KATNIP: variants seen among roughly 807,000 people sequenced by gnomAD.
KATNIP encodes katanin-interacting protein.
Under a neutral mutation model 174.0 loss-of-function variants are expected in KATNIP, and 126 were observed. The ratio of observed to expected loss-of-function variants is 0.72; its 90% confidence interval spans 0.63 to 0.84. The LOEUF is 0.84. Among genes scored for constraint, KATNIP ranks in the 40% least tolerant of loss-of-function variants. KATNIP has a pLI of 0.00. For missense variants in KATNIP, 1,958 were observed against 2,109.7 expected (o/e 0.93, Z 1.41); for synonymous variants, 810 against 835.7 (o/e 0.97, Z 0.53).
intron 2 of KATNIP, among the ~76,000 whole-genome samples, chr16:27,589,583 C>G (rs2075106015): frequency 6.6e-6 from 1 of 152,094 alleles, no homozygotes. Context: ...ACACTTTACC[C>G]AAAAACATCT....
Position 27,677,742 on chromosome 16 carries a change from G to A in KATNIP, c.554G>A (p.Ser185Asn), listed in dbSNP as rs1431853325. The stretch of plus-strand genomic sequence containing the variant: ...GGCTTTTTGCAGGAGCTGAGAAGAA[G>A]CCTGGAACTTAGTGTAAATCTACAA... ...SEDRPQELRR[S>N]LELSVNLQRK... Residue 185 changes from serine to asparagine, a missense_variant, in exon 7 of 28, where the codon AGC becomes AAC. Coordinates refer to ENST00000261588, the MANE Select transcript of KATNIP (RefSeq NM_015202.5). 1.2e-6 allele frequency: 2 copies of A among 1,607,562 alleles called. No individual in the cohort carries two copies. The highest frequency in any genetic ancestry group is 4.5e-5 in the East Asian group (2 of 44,674).
chr16:27,717,867 G>T (rs2080028235), intron 13 of KATNIP, among the ~76,000 whole-genome samples: 1 of 152,100 alleles, frequency 6.6e-6, no homozygotes, highest in Admixed American at 6.5e-5. Flanking sequence ...CCAACTCCCG[G>T]GCCCCATTGG....
At chr16:27,633,925 G>A in intron 5 of KATNIP, among the ~76,000 whole-genome samples, 1 of 152,216 alleles carries the variant, frequency 6.6e-6, no homozygotes, top group Non-Finnish European at 1.5e-5. Flanking sequence ...GGGTGTCCCT[G>A]CCTGATCTCA....
At chr16:27,626,037 A>G (rs1477105202) in intron 3 of KATNIP, among the ~76,000 whole-genome samples, 1 of 151,676 alleles carries the variant, frequency 6.6e-6, no homozygotes, top group East Asian at 1.9e-4. Flanking sequence ...TTTTATAGAG[A>G]CGGGGTTTCA....
rs75041391 is a variant in KATNIP, at chr16:27,627,333, G to C, written c.141-1328G>C. On this transcript the variant is annotated intron_variant, in intron 3 of 27. Coordinates refer to ENST00000261588, the MANE Select transcript of KATNIP (RefSeq NM_015202.5). ...GCCTTATACATAGTGCAGAAATGCTGTTCAGTGTTCCTAAGCATGAGGCTG... is the reference window on the plus strand; with the variant it reads ...GCCTTATACATAGTGCAGAAATGCTCTTCAGTGTTCCTAAGCATGAGGCTG... Among the ~76,000 whole-genome samples, 59 of 152,326 alleles carry C rather than the reference G, an allele frequency of 3.9e-4. 1 individual carries two copies. The East Asian group carries it at 8.5e-3, about 22-fold the overall frequency.
At chr16:27,725,385 C>G (rs2080406200) in intron 14 of KATNIP, among the ~76,000 whole-genome samples, 1 of 152,150 alleles carries the variant, frequency 6.6e-6, no homozygotes, top group Non-Finnish European at 1.5e-5. Context: ...GGAGTGCCGT[C>G]CTGAGAAAGA....
At chr16:27,583,676 A>G (rs1235654750) in intron 2 of KATNIP, among the ~76,000 whole-genome samples, 1 of 152,176 alleles carries the variant, frequency 6.6e-6, no homozygotes, top group Non-Finnish European at 1.5e-5. Context: ...ACAAGAGCCA[A>G]TGCTTCTGTG....
chr16:27,645,219 G>T (rs963179673), intron 5 of KATNIP, among the ~76,000 whole-genome samples: 4 of 152,220 alleles, frequency 2.6e-5, no homozygotes, highest in Non-Finnish European at 4.4e-5. Context: ...GTGTAAATAG[G>T]TACAGCCCTG....
At position 27,780,332 on chromosome 16, in the gene KATNIP, TC is replaced by T. The variant is rs905873083; in HGVS notation, c.*1705del. 15 of 152,218 alleles carry T rather than the reference TC, an allele frequency of 9.9e-5. No individual in the cohort carries two copies. The highest frequency in any genetic ancestry group is 3.6e-4 in the African/African-American group (15 of 41,456). 9.4% of individuals were successfully genotyped at this position (152,218 alleles called of 1,614,324 possible). On this transcript the variant is annotated 3_prime_UTR_variant, in exon 28 of 28. Transcript: ENST00000261588. Reference sequence around the variant, plus strand: ...ACTCTAAAATAAATTTCTATTTTTTTCCTCTTGCAAAATTAATAAAAGATGT... The same window carrying T: ...ACTCTAAAATAAATTTCTATTTTTTTCTCTTGCAAAATTAATAAAAGATGT...
chr16:27,774,864 C>G, intron 23 of KATNIP, 81 bp from the exon 24 acceptor site: 1 of 1,556,248 alleles, frequency 6.4e-7, no homozygotes, highest in Non-Finnish European at 8.8e-7. Context: ...CAGAGTCCCC[C>G]GAGCCACGCC....
At chr16:27,775,467 C>T (rs1386222814) in intron 24 of KATNIP, among the ~76,000 whole-genome samples, 3 of 152,344 alleles carry the variant, frequency 2.0e-5, no homozygotes, top group East Asian at 1.9e-4. Context: ...CGCACACTCA[C>T]GGTTTCTGCC....
intron 2 of KATNIP, among the ~76,000 whole-genome samples, chr16:27,582,007 G>A (rs951075510): frequency 3.3e-5 from 5 of 152,028 alleles, no homozygotes; most frequent in African/African-American, 7.2e-5. Context: ...GGGCATTTTG[G>A]TTGGTTCCAC....
intron 2 of KATNIP, among the ~76,000 whole-genome samples, chr16:27,604,399 A>T (rs926408241): frequency 2.0e-5 from 3 of 152,106 alleles, no homozygotes; most frequent in Non-Finnish European, 2.9e-5. Flanking sequence ...ACGCCCAGCT[A>T]CTTTAAAAAA....
At chr16:27,684,110 C>G (rs954988366) in intron 8 of KATNIP, among the ~76,000 whole-genome samples, 1 of 152,142 alleles carries the variant, frequency 6.6e-6, no homozygotes, top group Non-Finnish European at 1.5e-5. Flanking sequence ...TCAGTACTTA[C>G]AAAGCACTGA....
intron 1 of KATNIP, among the ~76,000 whole-genome samples, chr16:27,573,132 G>C (rs968623795): frequency 1.3e-5 from 2 of 152,222 alleles, no homozygotes; most frequent in Admixed American, 6.5e-5. Flanking sequence ...GGGGACACTG[G>C]TTGTGGCATT....
intron 1 of KATNIP, among the ~76,000 whole-genome samples, chr16:27,554,380 G>A (rs533561635): frequency 2.0e-4 from 31 of 152,114 alleles, no homozygotes; most frequent in African/African-American, 5.8e-4. Flanking sequence ...CAAGAGAATC[G>A]CTTGAACCCA....
rs1351549627 is a variant in KATNIP at position 27,749,849 on chromosome 16, G to A, written c.2889G>A (p.Gly963=). 1 of 1,614,156 alleles carries A rather than the reference G, an allele frequency of 6.2e-7. No homozygotes were observed. Among genetic ancestry groups the A allele is most frequent in the Admixed American group, 1.7e-5 (1 of 60,022 alleles). The stretch of plus-strand genomic sequence containing the variant: ...GCTACTCTGGAGAGACAGACGCTGG[G>A]GGTGACTTTAAAATCCCCGTCTTGC... ...QDGYSGETDA[G]GDFKIPVLPY... is the part of the protein sequence containing the mutation. The change falls in exon 16 of 28, where the codon GGG becomes GGA. Residue 963 remains glycine (G), a synonymous_variant. Transcript: ENST00000261588.
At chr16:27,752,950 G>A (rs1469162209) in intron 17 of KATNIP, among the ~76,000 whole-genome samples, 1 of 152,230 alleles carries the variant, frequency 6.6e-6, no homozygotes, top group Non-Finnish European at 1.5e-5. Context: ...GGGTAGGGGA[G>A]AAATGGGGAC....
intron 1 of KATNIP, among the ~76,000 whole-genome samples, chr16:27,559,480 G>C (rs1251333721): frequency 2.0e-5 from 3 of 151,612 alleles, no homozygotes; most frequent in Non-Finnish European, 4.4e-5. Context: ...CCAGGAGTTT[G>C]AGATCAGCCT....
Sources: allele counts gnomAD v4.1 joint callset (sites outside exome capture counted in the v4.1 genomes callset), GRCh38; gene constraint gnomAD v4.1.1; transcripts MANE v1.5; gene names NCBI Gene and HGNC (gene_info 2026-07-23, HGNC 2026-07-21).